Variants in MDN1 observed in about 807,000 individuals in gnomAD.
MDN1 encodes the protein midasin AAA ATPase 1, also known as midasin.
MDN1 carries 266 observed loss-of-function variants against 669.2 expected under a neutral mutation model. The ratio of observed to expected loss-of-function variants is 0.40; its 90% CI spans 0.36 to 0.44. MDN1 has a LOEUF of 0.44. Among genes scored for constraint, MDN1 ranks in the 20% least tolerant of loss-of-function variants. The pLI is 1.00. For synonymous variants in MDN1, 2,385 were observed against 2,457.1 expected (o/e 0.97, Z 0.87); for missense variants, 5,940 against 6,754.0 (o/e 0.88, Z 4.22).
chr6:89,740,113 ACT>A, intron 32 of MDN1, 119 bp downstream of exon 32: 1 of 1,159,130 alleles, frequency 8.6e-7, no homozygotes, highest in Non-Finnish European at 1.2e-6. Flanking sequence ...GAGTTTTTAC[ACT>A]TTTTACCCAC....
intron 90 of MDN1, among the ~76,000 whole-genome samples, chr6:89,657,958 G>A (rs987578736): frequency 5.3e-5 from 8 of 152,204 alleles, no homozygotes; most frequent in Admixed American, 1.3e-4. Context: ...GTAAGTACAC[G>A]CTATGGTGTT....
intron 37 of MDN1, among the ~76,000 whole-genome samples, chr6:89,726,352 G>T (rs1815232655): frequency 6.6e-6 from 1 of 151,674 alleles, no homozygotes; most frequent in African/African-American, 2.4e-5. Flanking sequence ...AGCTACTCAG[G>T]TGGCTGAGGC....
chr6:89,658,965 C>T (rs764835883), intron 88 of MDN1, 48 bp from the exon 89 acceptor site: 17 of 1,511,402 alleles, frequency 1.1e-5, no homozygotes, highest in Non-Finnish European at 1.4e-5. Flanking sequence ...TTGAAACGTA[C>T]ATGATTTCTT....
chr6:89,710,817 T>C, intron 49 of MDN1, 23 bp from the exon 50 acceptor site: 1 of 1,405,560 alleles, frequency 7.1e-7, no homozygotes, highest in Non-Finnish European at 1.0e-6. Flanking sequence ...GAGAAACCAG[T>C]GTTAGACTCT....
Position 89,747,474 on chromosome 6 carries a change from T to C in MDN1, c.3763-4A>G, listed in dbSNP as rs760863496. The C allele has an allele frequency of 3.7e-6, 6 of 1,611,160 alleles. No homozygotes were observed. Among genetic ancestry groups the C allele is most frequent in the Admixed American group, 1.7e-5 (1 of 59,042 alleles). On this transcript the variant is annotated splice_region_variant and splice_polypyrimidine_tract_variant and intron_variant, in intron 26 of 101. Transcript: ENST00000369393. ...CTGAAGAACTTCTGCGATAGGACTG[T>C]TGAAGTATCAAAACAAATGAAAAGG... is the stretch of plus-strand genomic sequence containing the variant.
intron 66 of MDN1, 99 bp from the exon 67 acceptor site, chr6:89,688,272 T>G: frequency 8.8e-7 from 1 of 1,133,562 alleles, no homozygotes. Flanking sequence ...CCCCCAGTTC[T>G]CTACTTTTAA....
chr6:89,816,669 CTAT>C (rs1368726084), intron 1 of MDN1, among the ~76,000 whole-genome samples: 1 of 151,036 alleles, frequency 6.6e-6, no homozygotes, highest in East Asian at 1.9e-4. Context: ...CTCCACACCC[CTAT>C]CTTTTTTTTT....
At position 89,743,208 on chromosome 6, in the gene MDN1, A is replaced by T; in HGVS notation, c.4390T>A (p.Phe1464Ile). The part of the protein sequence containing the change: ...PLVQAMKEDG[F>I]FLLDEISLAD... Reference sequence around the variant, plus strand: ...AATGAGATCTCATCCAAGAGGAAAAAGCCGTCCTCCTTCATGGCCTGAACC... The same window carrying T: ...AATGAGATCTCATCCAAGAGGAAAATGCCGTCCTCCTTCATGGCCTGAACC... The change falls in exon 31 of 102, where the codon TTT (phenylalanine) becomes ATT (isoleucine). Residue 1464 changes from phenylalanine to isoleucine, a missense_variant. Transcript: ENST00000369393. 6.2e-7 allele frequency: 1 copy of T among 1,614,176 alleles called. No homozygotes were observed. Among genetic ancestry groups the T allele is most frequent in the Non-Finnish European group, 8.5e-7 (1 of 1,180,020 alleles).
chr6:89,794,632 A>T lies in MDN1; in HGVS notation c.499T>A (p.Trp167Arg). ...AGAGGGACACACACACTCCAGTCCC[A>T]GAGCTCCCGGAACACAGACTGCTCC... ...QQEQSVFRELWDWSVCVPLLR... is the reference protein window; with the variant it reads ...QQEQSVFRELRDWSVCVPLLR... Residue 167 changes from tryptophan to arginine, a missense_variant, in exon 3 of 102, where the codon TGG (tryptophan) becomes AGG (arginine). By Grantham distance (101) the Trp-to-Arg change is moderately radical (BLOSUM62 -3). Around this residue, in one of 5 missense-constraint regions of MDN1, gnomAD observed 1,203 missense variants for 1,268.9 expected, o/e 0.95. Transcript: ENST00000369393. The T allele has an allele frequency of 1.2e-6, 2 of 1,613,972 alleles. No individual in the cohort carries two copies. The highest frequency in any genetic ancestry group is 1.7e-6 in the Non-Finnish European group (2 of 1,180,046).
At chr6:89,801,660 C>A (rs868375598) in intron 2 of MDN1, among the ~76,000 whole-genome samples, 2,031 of 140,974 alleles carry the variant, frequency 0.014, 26 homozygotes, top group Non-Finnish European at 0.021. Context: ...AAAAAAAAAA[C>A]AAAACAAAAC....
intron 61 of MDN1, 42 bp from the exon 62 acceptor site, chr6:89,694,225 T>C: frequency 6.6e-7 from 1 of 1,518,948 alleles, no homozygotes; most frequent in Non-Finnish European, 9.1e-7. Context: ...GTCCCAGCTA[T>C]GACCATGCAC....
Position 89,646,562 on chromosome 6 carries a change from C to G in MDN1, c.16437G>C (p.Gln5479His), listed in dbSNP as rs771748387. Residue 5479 changes from glutamine (Q) to histidine (H), a missense_variant, in exon 100 of 102, where the codon CAG (glutamine) becomes CAC (histidine). This residue lies in a region of MDN1 where 2,280 missense variants were observed against 2,576.3 expected (regional missense o/e 0.88). Transcript: ENST00000369393. ...SVANMFAAAQ[Q>H]LSQNISSETA... ...CACCTGAACTGATGTTCTGCGAGAG[C>G]TGCTGAGCAGCTGCAAACATGTTGG... 74 of 1,614,028 alleles carry G rather than the reference C, an allele frequency of 4.6e-5. No individual in the cohort carries two copies. In the South Asian group the frequency reaches 6.4e-4, roughly 14 times the overall value.
rs758686405 is a variant in MDN1 at position 89,762,388 on chromosome 6, C to T, written c.2287G>A (p.Asp763Asn). The change falls in exon 16 of 102, where the codon GAT becomes AAT. Residue 763 changes from aspartate (D) to asparagine (N), a missense_variant. Coordinates refer to ENST00000369393, the MANE Select transcript of MDN1 (RefSeq NM_014611.3). ...ACATGCTGCATTAGTCTCAGGAGAT[C>T]ATGCCACCGTTTCTGTCTGTAACAG... ...QTCYRQKRWH[D>N]LLRLMQHVHK... is the part of the protein sequence containing the mutation. 8.1e-6 allele frequency: 13 copies of T among 1,614,042 alleles called. No homozygotes were observed. In the South Asian group the frequency reaches 9.9e-5, roughly 12 times the overall value.
At chr6:89,657,889 A>G (rs1459470338) in intron 90 of MDN1, among the ~76,000 whole-genome samples, 1 of 152,258 alleles carries the variant, frequency 6.6e-6, no homozygotes, top group African/African-American at 2.4e-5. Context: ...TATTCAGTAC[A>G]GTAACATACT....
At chr6:89,731,810 C>A (rs1052854793) in intron 34 of MDN1, among the ~76,000 whole-genome samples, 116 of 59,880 alleles carry the variant, frequency 1.9e-3, no homozygotes, top group African/African-American at 6.9e-3. Flanking sequence ...CCCCCCCCCC[C>A]ACCTTTTCCT....
At chr6:89,777,840 A>G (rs974403341) in intron 11 of MDN1, among the ~76,000 whole-genome samples, 2 of 152,098 alleles carry the variant, frequency 1.3e-5, no homozygotes, top group African/African-American at 4.8e-5. Flanking sequence ...GCAGGCACCC[A>G]TTCCCTAGTA....
chr6:89,677,709 C>A lies in MDN1; in HGVS notation c.12413-13G>T, dbSNP rs575963626. 3.5e-5 allele frequency: 57 copies of A among 1,613,880 alleles called. No homozygotes were observed. The highest frequency in any genetic ancestry group is 1.7e-4 in the Middle Eastern group (1 of 6,060). ...CGATACGACAAACCTAGGAAATAAACAGCATTTCTTTAAGCAAAGATGCTT... is the reference window on the plus strand; with the variant it reads ...CGATACGACAAACCTAGGAAATAAAAAGCATTTCTTTAAGCAAAGATGCTT... On this transcript the variant is annotated splice_polypyrimidine_tract_variant and intron_variant, in intron 75 of 101. Coordinates refer to ENST00000369393, the MANE Select transcript of MDN1 (RefSeq NM_014611.3).
intron 85 of MDN1, 52 bp from the exon 86 acceptor site, chr6:89,663,019 G>C: frequency 1.2e-6 from 2 of 1,602,612 alleles, no homozygotes; most frequent in South Asian, 2.2e-5. Flanking sequence ...ACCCAGTCCT[G>C]TGTATTTAAG....
At chr6:89,751,403 C>G in intron 23 of MDN1, 28 bp downstream of exon 23, 1 of 1,613,482 alleles carries the variant, frequency 6.2e-7, no homozygotes. Context: ...GTATCAAGTT[C>G]GGGGCAGCGA....
Sources: gnomAD v4.1 joint callset for allele counts (sites outside exome capture counted in the v4.1 genomes callset) on GRCh38, gnomAD v4.1.1 for gene constraint, gnomAD v4.1.1 regional missense constraint, MANE v1.5 for transcripts, NCBI Gene and HGNC (gene_info 2026-07-23, HGNC 2026-07-21) for gene names.